Variants in CDH18 observed in about 807,000 individuals in gnomAD.
The protein encoded by CDH18 is cadherin-18.
In CDH18, 31 loss-of-function variants were observed where a neutral mutation model predicts 67.9. The ratio of observed to expected loss-of-function variants is 0.46; its 90% CI spans 0.34 to 0.62. The LOEUF (loss-of-function observed/expected upper bound fraction) is 0.62. Among genes scored for constraint, CDH18 ranks in the 20% least tolerant of loss-of-function variants. The pLI is 0.01. For synonymous variants in CDH18, 362 were observed against 347.2 expected (o/e 1.04, Z -0.48); for missense variants, 890 against 975.5 (o/e 0.91, Z 1.17).
chr5:20,315,177 T>C (rs967334996), intron 1 of CDH18, among the ~76,000 whole-genome samples: 1 of 152,110 alleles, frequency 6.6e-6, no homozygotes, highest in African/African-American at 2.4e-5. Context: ...ATCTACCCAA[T>C]TTCTCAAGCA....
At chr5:19,697,711 T>A (rs1452330818) in intron 5 of CDH18, among the ~76,000 whole-genome samples, 1 of 152,180 alleles carries the variant, frequency 6.6e-6, no homozygotes, top group African/African-American at 2.4e-5. Context: ...TAAAAAACAC[T>A]TTGTTAGGGT....
intron 2 of CDH18, among the ~76,000 whole-genome samples, chr5:19,950,224 C>A (rs1036705380): frequency 8.6e-5 from 13 of 151,928 alleles, no homozygotes; most frequent in Non-Finnish European, 1.3e-4. Flanking sequence ...TTTGCAGCAA[C>A]CTGGATGGAG....
At chr5:20,087,804 T>A (rs908557224) in intron 2 of CDH18, among the ~76,000 whole-genome samples, 1 of 152,216 alleles carries the variant, frequency 6.6e-6, no homozygotes, top group Admixed American at 6.5e-5. Context: ...GTTTGTGATG[T>A]TCTCTTTGTT....
chr5:19,649,705 A>G (rs991150482), intron 5 of CDH18, among the ~76,000 whole-genome samples: 9 of 152,206 alleles, frequency 5.9e-5, no homozygotes, highest in Admixed American at 2.0e-4. Flanking sequence ...AGGTCTCATC[A>G]TAAAAAATAG....
chr5:19,578,192 G>C (rs776804286), intron 7 of CDH18, among the ~76,000 whole-genome samples: 3 of 152,184 alleles, frequency 2.0e-5, no homozygotes, highest in Non-Finnish European at 4.4e-5. Context: ...CCTAGGAAAC[G>C]AATGTAAATT....
chr5:19,518,903 A>G (rs1746449395), intron 10 of CDH18, among the ~76,000 whole-genome samples: 1 of 152,182 alleles, frequency 6.6e-6, no homozygotes, highest in Non-Finnish European at 1.5e-5. Flanking sequence ...AACTCTGACT[A>G]ATACATTATG....
intron 4 of CDH18, among the ~76,000 whole-genome samples, chr5:19,728,185 A>G (rs867358259): frequency 3.2e-4 from 49 of 152,184 alleles, no homozygotes; most frequent in Admixed American, 5.2e-4. Context: ...TATTAAACCA[A>G]CAGTTCCCCT....
At chr5:20,278,130 G>GA (rs1745945325) in intron 1 of CDH18, among the ~76,000 whole-genome samples, 1 of 151,768 alleles carries the variant, frequency 6.6e-6, no homozygotes, top group African/African-American at 2.4e-5. Flanking sequence ...CTCAAATCAA[G>GA]AAAAATATAC....
At chr5:20,056,204 CATA>C (rs920294051) in intron 2 of CDH18, among the ~76,000 whole-genome samples, 14 of 150,012 alleles carry the variant, frequency 9.3e-5, no homozygotes, top group Admixed American at 8.6e-4. Flanking sequence ...GGGATTTCAC[CATA>C]ATGTCAGGCT....
chr5:20,321,793 A>G (rs887357605), intron 1 of CDH18, among the ~76,000 whole-genome samples: 1 of 152,144 alleles, frequency 6.6e-6, no homozygotes, highest in Non-Finnish European at 1.5e-5. Context: ...GAAAAAATTC[A>G]TTGCACTCAA....
chr5:20,042,952 A>G (rs543302498), intron 2 of CDH18, among the ~76,000 whole-genome samples: 211 of 151,880 alleles, frequency 1.4e-3, no homozygotes, highest in African/African-American at 4.7e-3. Context: ...ACAGAGCCAG[A>G]CTCCGTCTCA....
chr5:19,636,541 C>G (rs1753179549), intron 5 of CDH18, among the ~76,000 whole-genome samples: 1 of 151,454 alleles, frequency 6.6e-6, no homozygotes, highest in Non-Finnish European at 1.5e-5. Context: ...GATTGTTTAC[C>G]TTTTAAAATT....
intron 1 of CDH18, chr5:20,304,338 C>G: frequency 6.5e-7 from 1 of 1,534,630 alleles, no homozygotes; most frequent in Admixed American, 1.7e-5. Context: ...TCTTTAAATT[C>G]ATTATCTTTC....
chr5:20,401,171 T>A (rs1021732537), intron 1 of CDH18, among the ~76,000 whole-genome samples: 1 of 152,220 alleles, frequency 6.6e-6, no homozygotes, highest in African/African-American at 2.4e-5. Flanking sequence ...ATATTCCCGA[T>A]GTTGATAAAA....
At chr5:20,112,723 A>AAAAAT (rs1747584382) in intron 2 of CDH18, among the ~76,000 whole-genome samples, 1 of 152,186 alleles carries the variant, frequency 6.6e-6, no homozygotes, top group Non-Finnish European at 1.5e-5. Context: ...AAAAAATAAA[A>AAAAAT]AAAATAAAAT....
At chr5:19,819,511 G>A (rs987786300) in intron 3 of CDH18, among the ~76,000 whole-genome samples, 1 of 152,302 alleles carries the variant, frequency 6.6e-6, no homozygotes, top group East Asian at 1.9e-4. Context: ...GAGTCTCCAA[G>A]TGTCAAGAAT....
At chr5:19,848,614 G>GA (rs1276904255) in intron 2 of CDH18, among the ~76,000 whole-genome samples, 2 of 151,890 alleles carry the variant, frequency 1.3e-5, no homozygotes, top group African/African-American at 4.8e-5. Context: ...CACTGCAGTG[G>GA]GTTGAGAAGT....
intron 1 of CDH18, among the ~76,000 whole-genome samples, chr5:20,288,013 A>G (rs1168800227): frequency 1.3e-5 from 2 of 151,862 alleles, no homozygotes; most frequent in Non-Finnish European, 2.9e-5. Flanking sequence ...AAGGTCAGAA[A>G]TGAAACACAT....
chr5:19,846,433 T>A (rs567774649), intron 2 of CDH18, among the ~76,000 whole-genome samples: 26 of 152,294 alleles, frequency 1.7e-4, no homozygotes, highest in African/African-American at 6.0e-4. Context: ...CACAACACTG[T>A]TACATCATTC....
Sources: allele counts gnomAD v4.1 joint callset (sites outside exome capture counted in the v4.1 genomes callset), GRCh38; gene constraint gnomAD v4.1.1; transcripts MANE v1.5; gene names NCBI Gene and HGNC (gene_info 2026-07-23, HGNC 2026-07-21).